Variants in GKAP1 observed in about 807,000 individuals in gnomAD.
GKAP1 encodes G kinase anchoring protein 1.
Under a neutral mutation model 56.7 loss-of-function variants are expected in GKAP1, and 31 were observed. The ratio of observed to expected loss-of-function variants is 0.55; its 90% CI spans 0.41 to 0.74. GKAP1 has a LOEUF of 0.74. Ranked by LOEUF, GKAP1 falls within the 30% of genes least tolerant of loss-of-function variation. GKAP1 has a pLI of 0.00. For synonymous variants in GKAP1, 151 were observed against 138.6 expected, an observed-to-expected ratio of 1.09 and a Z score of -0.63; for missense variants, 364 against 402.3, an observed-to-expected ratio of 0.90 and a Z score of 0.82.
chr9:83,749,976 T>C (rs1326858284), intron 9 of GKAP1, among the ~76,000 whole-genome samples: 1 of 152,124 alleles, frequency 6.6e-6, no homozygotes, highest in Non-Finnish European at 1.5e-5. Flanking sequence ...TATAGAAATA[T>C]TCATTGTGAA....
Position 83,779,524 on chromosome 9 carries a change from C to CATATACACATATAT in GKAP1, c.585+857_585+858insATATATGTGTATAT, listed in dbSNP as rs1564201699. On this transcript the variant is annotated intron_variant, in intron 7 of 12. Coordinates refer to ENST00000376371, the MANE Select transcript of GKAP1 (RefSeq NM_025211.4). ...ACACATATATGTGTATATATATACA[C>CATATACACATATAT]GTGTATATGTGTATATATATACACG... Among the ~76,000 whole-genome samples, 21 of 120,314 alleles carry CATATACACATATAT rather than the reference C, an allele frequency of 1.7e-4. 1 individual carries two copies. The highest frequency in any genetic ancestry group is 8.3e-4 in the Admixed American group (9 of 10,882). The allele number at this position is 120,314 out of a possible 152,430, so 78.9% of individuals were successfully genotyped here.
rs199706077 is a variant in GKAP1 at position 83,784,846 on chromosome 9, G to T, written c.439-8C>A. 1.3e-6 allele frequency: 2 copies of T among 1,536,590 alleles called. No homozygotes were observed. The highest frequency in any genetic ancestry group is 2.1e-5 in the Admixed American group (1 of 48,158). On this transcript the variant is annotated splice_polypyrimidine_tract_variant and splice_region_variant and intron_variant, in intron 5 of 12. Coordinates refer to ENST00000376371, the MANE Select transcript of GKAP1 (RefSeq NM_025211.4). ...TTCAGCATCTTCATACTCCTAAAAA[G>T]AATTACCAACAACAATTAAGTTCAG...
At chr9:83,788,031 A>AC (rs1944093043) in intron 5 of GKAP1, among the ~76,000 whole-genome samples, 1 of 152,212 alleles carries the variant, frequency 6.6e-6, no homozygotes, top group African/African-American at 2.4e-5. Flanking sequence ...TAATCCCAGC[A>AC]CTTTGGGAGG....
In GKAP1 at chr9:83,806,564, T is replaced by C. The variant is rs911920502; in HGVS notation, c.-43-4A>G. On this transcript the variant is annotated splice_polypyrimidine_tract_variant and splice_region_variant and intron_variant, in intron 2 of 12. Coordinates refer to ENST00000376371, the MANE Select transcript of GKAP1 (RefSeq NM_025211.4). Reference sequence around the variant, plus strand: ...ATACTTCTGTCAAGAATAATTTCTGTGGGGAGGCAGAAGAGTAGGCAGATG... The same window carrying C: ...ATACTTCTGTCAAGAATAATTTCTGCGGGGAGGCAGAAGAGTAGGCAGATG... 1 of 1,541,528 alleles carries C rather than the reference T, an allele frequency of 6.5e-7. No homozygotes were observed. The highest frequency in any genetic ancestry group is 1.4e-5 in the African/African-American group (1 of 72,750).
chr9:83,780,481 A>AC (rs1943952858), intron 6 of GKAP1, 77 bp from the exon 7 acceptor site: 3 of 609,682 alleles, frequency 4.9e-6, no homozygotes, highest in Non-Finnish European at 5.4e-6. Context: ...AAAAAAAAAA[A>AC]ACGAAACTGA....
intron 7 of GKAP1, among the ~76,000 whole-genome samples, chr9:83,779,042 T>A (rs187264660): frequency 2.7e-4 from 41 of 151,868 alleles, no homozygotes; most frequent in Middle Eastern, 3.4e-3. Context: ...GTTTATAGAG[T>A]TGTCTTAGGA....
At chr9:83,765,382 C>G (rs1943644531) in intron 8 of GKAP1, among the ~76,000 whole-genome samples, 1 of 152,236 alleles carries the variant, frequency 6.6e-6, no homozygotes, top group Non-Finnish European at 1.5e-5. Flanking sequence ...AGAACCTCTG[C>G]TAGGGCAGTG....
intron 9 of GKAP1, among the ~76,000 whole-genome samples, chr9:83,750,248 T>C (rs1943365791): frequency 6.6e-6 from 1 of 152,212 alleles, no homozygotes; most frequent in African/African-American, 2.4e-5. Flanking sequence ...AGTAACATAT[T>C]AGCTAATAAA....
chr9:83,796,107 C>CT (rs1402545225), intron 4 of GKAP1, among the ~76,000 whole-genome samples: 2 of 151,834 alleles, frequency 1.3e-5, no homozygotes, highest in Non-Finnish European at 2.9e-5. Context: ...AATCTTTTTT[C>CT]TTTTTTTAGA....
chr9:83,742,412 T>C, intron 11 of GKAP1, 118 bp downstream of exon 11: 1 of 672,422 alleles, frequency 1.5e-6, no homozygotes, highest in Non-Finnish European at 2.6e-6. Flanking sequence ...TACATAATAA[T>C]AAAGTATAAT....
At chr9:83,759,217 C>T (rs575733513) in intron 8 of GKAP1, among the ~76,000 whole-genome samples, 1 of 152,182 alleles carries the variant, frequency 6.6e-6, no homozygotes, top group Admixed American at 6.6e-5. Context: ...TATTTTACTA[C>T]ATGTATATGA....
At chr9:83,813,497 T>C (rs1321292656) in intron 2 of GKAP1, among the ~76,000 whole-genome samples, 2 of 152,244 alleles carry the variant, frequency 1.3e-5, no homozygotes, top group African/African-American at 4.8e-5. Context: ...GGTGCACACC[T>C]GTAATTTCAG....
chr9:83,811,400 G>A (rs1944504019), intron 2 of GKAP1, among the ~76,000 whole-genome samples: 1 of 152,174 alleles, frequency 6.6e-6, no homozygotes, highest in Non-Finnish European at 1.5e-5. Flanking sequence ...AGAAACCCAA[G>A]AGTCACAGTT....
chr9:83,782,517 C>A (rs1003852601), intron 6 of GKAP1, among the ~76,000 whole-genome samples: 1 of 151,678 alleles, frequency 6.6e-6, no homozygotes, highest in African/African-American at 2.4e-5. Context: ...CACCACTACG[C>A]CCAGCTAATT....
At position 83,746,725 on chromosome 9, in the gene GKAP1, A is replaced by T. The variant is rs539541668; in HGVS notation, c.904+1584T>A. Among the ~76,000 whole-genome samples, 261 of 34,438 alleles carry T rather than the reference A, an allele frequency of 7.6e-3. 5 individuals carry two copies. The highest frequency in any genetic ancestry group is 2.1e-3 in the Non-Finnish European group (24 of 11,458). The allele number at this position is 34,438 out of a possible 152,430, so 22.6% of individuals were successfully genotyped here. A position where few individuals can be genotyped will look rare whatever the true frequency, so the allele number is the denominator to read the frequency against. On this transcript the variant is annotated intron_variant, in intron 10 of 12. Coordinates refer to ENST00000376371, the MANE Select transcript of GKAP1 (RefSeq NM_025211.4). ...TAAATAAATAAATAAATAACAATTT[A>T]AAAAAATCACCTCTAGATTACCTAT... is the stretch of plus-strand genomic sequence containing the variant.
chr9:83,772,691 C>T (rs1189975888), intron 7 of GKAP1, among the ~76,000 whole-genome samples: 1 of 152,084 alleles, frequency 6.6e-6, no homozygotes, highest in Non-Finnish European at 1.5e-5. Context: ...ATTTGCAAAT[C>T]ATGTATCTGA....
chr9:83,812,842 C>CA (rs1326091313), intron 2 of GKAP1, among the ~76,000 whole-genome samples: 4 of 152,140 alleles, frequency 2.6e-5, no homozygotes, highest in African/African-American at 9.7e-5. Flanking sequence ...CAGTGACAGA[C>CA]AAGTCAAACG....
chr9:83,808,701 G>A (rs1353097865), intron 2 of GKAP1, among the ~76,000 whole-genome samples: 2 of 152,142 alleles, frequency 1.3e-5, no homozygotes, highest in Non-Finnish European at 2.9e-5. Flanking sequence ...TTTAAATGTT[G>A]GGACTATTAA....
At chr9:83,758,420 C>G (rs185110048) in intron 8 of GKAP1, among the ~76,000 whole-genome samples, 7 of 152,128 alleles carry the variant, frequency 4.6e-5, no homozygotes, top group Admixed American at 3.9e-4. Flanking sequence ...TAGGCATTTT[C>G]CTAGAAAAAC....
Sources: gnomAD v4.1 joint callset for allele counts (sites outside exome capture counted in the v4.1 genomes callset) on GRCh38, gnomAD v4.1.1 for gene constraint, MANE v1.5 for transcripts, NCBI Gene and HGNC (gene_info 2026-07-23, HGNC 2026-07-21) for gene names.